The following WDR90 variants were observed in gnomAD, a reference collection of about 807,000 sequenced individuals.
WDR90 encodes the protein WD repeat domain 90.
Under a neutral mutation model 195.2 loss-of-function variants are expected in WDR90, and 238 were observed. The ratio of observed to expected loss-of-function variants is 1.22; its 90% CI spans 1.10 to 1.36. The LOEUF (loss-of-function observed/expected upper bound fraction) is 1.36. Ranked by LOEUF, WDR90 falls within the 40% of genes most tolerant of loss-of-function variation. WDR90 has a pLI of 0.00. For missense variants in WDR90, 2,734 were observed against 2,439.5 expected (o/e 1.12, Z -2.54); for synonymous variants, 1,265 against 1,052.4 (o/e 1.20, Z -3.91).
rs747850717 is a variant in WDR90 at position 656,865 on chromosome 16, AAC to A, written c.2341_2342del (p.Thr781ValfsTer14). 3 of 1,612,478 alleles carry A rather than the reference AAC, an allele frequency of 1.9e-6. No homozygotes were observed. The South Asian group carries it at 3.3e-5, about 18-fold the overall frequency. ...CTGGAGGCCGCTGAGGTCCTGGTGG[AAC>A]ACACGTAAGTGCCCAGCTGGCCACC... On this transcript the variant is annotated frameshift_variant, in exon 19 of 41. Coordinates refer to ENST00000293879, the MANE Select transcript of WDR90 (RefSeq NM_145294.5). LOFTEE classifies it high-confidence loss of function.
chr16:659,398 G>A (rs950474550), intron 26 of WDR90, 22 bp downstream of exon 26: 1 of 1,584,914 alleles, frequency 6.3e-7, no homozygotes, highest in Non-Finnish European at 8.6e-7. Flanking sequence ...GGGTCCTGGA[G>A]GAGTGGGGGG....
chr16:651,595 A>T, intron 7 of WDR90, 49 bp from the exon 8 acceptor site: 5 of 1,580,488 alleles, frequency 3.2e-6, no homozygotes, highest in Non-Finnish European at 4.3e-6. Flanking sequence ...CTCACCAGGC[A>T]TCTGCACAGC....
chr16:661,670 G>A lies in WDR90; in HGVS notation c.3747G>A (p.Pro1249=), dbSNP rs201582113. The A allele has an allele frequency of 7.4e-6, 12 of 1,611,962 alleles. No homozygotes were observed. The highest frequency in any genetic ancestry group is 6.6e-5 in the South Asian group (6 of 91,032). ...TYDLVSSTRL[P]EPVHGVAFNP... is the part of the protein sequence containing the mutation. ...ACCTCGTGTCCTCCACCCGCCTCCC[G>A]GAGCCGGTGCATGGTGTGGCCTTCA... The change falls in exon 31 of 41, where the codon CCG becomes CCA. Residue 1249 remains proline (P), a synonymous_variant. Transcript: ENST00000293879.
rs775885084 is a variant in WDR90, at chr16:650,915, G to C, written c.560-80G>C. 288 of 1,543,446 alleles carry C rather than the reference G, an allele frequency of 1.9e-4. No homozygotes were observed. The Middle Eastern group carries it at 7.3e-3, about 39-fold the overall frequency. On this transcript the variant is annotated intron_variant, in intron 5 of 40. Transcript: ENST00000293879. ...GTGGGGCGGTGGCTGGGCTGGTGGC[G>C]TGGCAGTGCCTTGGCGGGTGCCCTG...
intron 17 of WDR90, 159 bp downstream of exon 17, chr16:656,048 T>C (rs771417387): frequency 1.0e-6 from 1 of 960,278 alleles, no homozygotes; most frequent in African/African-American, 1.7e-5. Flanking sequence ...CTGGGGCGGC[T>C]GATGCCAGGG....
At position 659,031 on chromosome 16, in the gene WDR90, T is replaced by A. The variant is rs1318350992; in HGVS notation, c.3011+20T>A. 2 of 1,613,200 alleles carry A rather than the reference T, an allele frequency of 1.2e-6. No individual in the cohort carries two copies. The highest frequency in any genetic ancestry group is 4.5e-5 in the East Asian group (2 of 44,876). On this transcript the variant is annotated intron_variant, in intron 24 of 40. Coordinates refer to ENST00000293879, the MANE Select transcript of WDR90 (RefSeq NM_145294.5). Reference sequence around the variant, plus strand: ...TGAGAGGCAAGTGCCTACTCTCAGCTGTGTCTGCCTAGGCCCCCCAGGCCC... The same window carrying A: ...TGAGAGGCAAGTGCCTACTCTCAGCAGTGTCTGCCTAGGCCCCCCAGGCCC...
chr16:666,950 C>G lies in WDR90; in HGVS notation c.5050C>G (p.Leu1684Val). ...GCCCTTTTTTGCCATGTCCCTGAGCCTGTCCCCCGGGACCCACCTCCTGGC... is the reference window on the plus strand; with the variant it reads ...GCCCTTTTTTGCCATGTCCCTGAGCGTGTCCCCCGGGACCCACCTCCTGGC... ...PLPFFAMSLS[L>V]SPGTHLLAVG... Residue 1684 changes from leucine to valine, a missense_variant, in exon 40 of 41, where the codon CTG (leucine) becomes GTG (valine). Coordinates refer to ENST00000293879, the MANE Select transcript of WDR90 (RefSeq NM_145294.5). 6.2e-7 allele frequency: 1 copy of G among 1,612,132 alleles called. No homozygotes were observed.
In WDR90 at chr16:655,428, C is replaced by A; in HGVS notation, c.1678C>A (p.Gln560Lys). Residue 560 changes from glutamine to lysine, a missense_variant, in exon 15 of 41, where the codon CAG becomes AAG. Gln to Lys is a moderately conservative substitution (Grantham distance 53). Coordinates refer to ENST00000293879, the MANE Select transcript of WDR90 (RefSeq NM_145294.5). ...GCAGTTCACCGACCTGGCCTTCAAG[C>A]AGGCCCGGGACGGCTGCCCGGAGCC... ...ALQFTDLAFKQARDGCPEPSA... is the reference protein window; with the variant it reads ...ALQFTDLAFKKARDGCPEPSA... 1.3e-6 allele frequency: 2 copies of A among 1,577,748 alleles called. No homozygotes were observed.
chr16:665,748 G>T lies in WDR90; in HGVS notation c.4381G>T (p.Val1461Leu), dbSNP rs1378014387. The change falls in exon 35 of 41, where the codon GTG becomes TTG. Residue 1461 changes from valine to leucine, a missense_variant. Physicochemically the swap from Val to Leu is conservative, Grantham distance 32. Coordinates refer to ENST00000293879, the MANE Select transcript of WDR90 (RefSeq NM_145294.5). ...ATCSEDGSVR[V>L]WALASMELVI... is the part of the protein sequence containing the mutation. The stretch of plus-strand genomic sequence containing the variant: ...ATGCAGTGAGGATGGGAGTGTGCGG[G>T]TGTGGGCCTTGGCCAGCATGGAGCT... The T allele has an allele frequency of 1.2e-6, 2 of 1,609,490 alleles. No individual in the cohort carries two copies. Among genetic ancestry groups the T allele is most frequent in the Admixed American group, 3.3e-5 (2 of 59,882 alleles).
rs1311560753 is a variant in WDR90 at position 666,280 on chromosome 16, G to A, written c.4670G>A (p.Gly1557Glu). Residue 1557 changes from glycine to glutamate, a missense_variant, in exon 37 of 41, where the codon GGG becomes GAG. Coordinates refer to ENST00000293879, the MANE Select transcript of WDR90 (RefSeq NM_145294.5). ...GTGGCTGTGAGCCACCCCTGCACAG[G>A]GACAACCTTCCGTGTGCTGAGTGAC... Reference protein sequence around the residue: ...GLVAVSHPCTGTTFRVLSDHQ... With the variant: ...GLVAVSHPCTETTFRVLSDHQ... 1 of 1,612,734 alleles carries A rather than the reference G, an allele frequency of 6.2e-7. No individual in the cohort carries two copies. The highest frequency in any genetic ancestry group is 1.6e-4 in the Middle Eastern group (1 of 6,062).
Position 661,107 on chromosome 16 carries a change from G to A in WDR90, c.3448G>A (p.Ala1150Thr), listed in dbSNP as rs763644521. ...LVVVEDLHSG[A>T]QQHWSGHSAE... Reference sequence around the variant, plus strand: ...GGTGGTGGAGGACCTGCACTCTGGCGCCCAGCAGCACTGGTCCGGCCACTC... The same window carrying A: ...GGTGGTGGAGGACCTGCACTCTGGCACCCAGCAGCACTGGTCCGGCCACTC... Residue 1150 changes from alanine to threonine, a missense_variant, in exon 29 of 41, where the codon GCC becomes ACC. Coordinates refer to ENST00000293879, the MANE Select transcript of WDR90 (RefSeq NM_145294.5). 10 of 1,552,100 alleles carry A rather than the reference G, an allele frequency of 6.4e-6. No homozygotes were observed. Among genetic ancestry groups the A allele is most frequent in the East Asian group, 2.5e-5 (1 of 39,802 alleles).
chr16:657,700 G>T, intron 20 of WDR90, 62 bp from the exon 21 acceptor site: 1 of 1,471,800 alleles, frequency 6.8e-7, no homozygotes, highest in Non-Finnish European at 9.0e-7. Flanking sequence ...GCCTCCTCGG[G>T]CCCTGGCCAC....
In WDR90 at chr16:657,906, C is replaced by G; in HGVS notation, c.2604+14C>G. 6.5e-7 allele frequency: 1 copy of G among 1,547,198 alleles called. No homozygotes were observed. The highest frequency in any genetic ancestry group is 8.7e-7 in the Non-Finnish European group (1 of 1,144,100). ...TCCCTTGATGAGGTGAGTCCGCAGC[C>G]CTCCTGGGTCCAGGGAGACTGGGCC... On this transcript the variant is annotated intron_variant, in intron 21 of 40. Coordinates refer to ENST00000293879, the MANE Select transcript of WDR90 (RefSeq NM_145294.5).
In WDR90 at chr16:662,716, G is replaced by C. The variant is rs769681275; in HGVS notation, c.4183G>C (p.Ala1395Pro). The change falls in exon 34 of 41, where the codon GCT becomes CCT. Residue 1395 changes from alanine to proline, a missense_variant. Coordinates refer to ENST00000293879, the MANE Select transcript of WDR90 (RefSeq NM_145294.5). ...GGAACACGAGCTGGTGCTGGACGGGGCTGTGGTGAGTGCCAGCTTCGATGA... is the reference window on the plus strand; with the variant it reads ...GGAACACGAGCTGGTGCTGGACGGGCCTGTGGTGAGTGCCAGCTTCGATGA... ...FMEHELVLDG[A>P]VVSASFDDSV... 12 of 1,583,536 alleles carry C rather than the reference G, an allele frequency of 7.6e-6. No homozygotes were observed. The highest frequency in any genetic ancestry group is 1.0e-5 in the Non-Finnish European group (12 of 1,161,172).
chr16:662,209 C>A lies in WDR90; in HGVS notation c.4034-11C>A. ...GCAGCCGTGGCCCCTTATGGCTCCT[C>A]CTGCCCCTAGGGCTGTTGCTGTTCT... On this transcript the variant is annotated splice_polypyrimidine_tract_variant and intron_variant, in intron 32 of 40. Transcript: ENST00000293879. The A allele has an allele frequency of 1.9e-6, 3 of 1,542,636 alleles. No homozygotes were observed. Among genetic ancestry groups the A allele is most frequent in the Non-Finnish European group, 1.7e-6 (2 of 1,143,456 alleles).
intron 23 of WDR90, 31 bp from the exon 24 acceptor site, chr16:658,865 G>T: frequency 6.2e-7 from 1 of 1,607,782 alleles, no homozygotes. Flanking sequence ...GCCCCGCCTC[G>T]GGGTCCTGCA....
In WDR90 at chr16:660,721, GC is replaced by G; in HGVS notation, c.3391+9del. On this transcript the variant is annotated splice_region_variant and intron_variant, in intron 28 of 40. Transcript: ENST00000293879. ...GTCTGGAGGCCGGACACAGGTGGGG[GC>G]CAAGAGCCTACCCCCACCCCCAGCC... 1 of 1,549,708 alleles carries G rather than the reference GC, an allele frequency of 6.5e-7. No homozygotes were observed. The highest frequency in any genetic ancestry group is 8.7e-7 in the Non-Finnish European group (1 of 1,144,138).
At position 656,499 on chromosome 16, in the gene WDR90, C is replaced by T. The variant is rs747846328; in HGVS notation, c.2164C>T (p.Arg722Cys). 162 of 1,578,408 alleles carry T rather than the reference C, an allele frequency of 1.0e-4. No individual in the cohort carries two copies. Among genetic ancestry groups the T allele is most frequent in the Non-Finnish European group, 1.3e-4 (146 of 1,165,064 alleles). Residue 722 changes from arginine (R) to cysteine (C), a missense_variant, in exon 18 of 41, where the codon CGT becomes TGT. Transcript: ENST00000293879. The part of the protein sequence containing the change: ...RGQLATVSQD[R>C]TVRIWDLATL... The stretch of plus-strand genomic sequence containing the variant: ...ACAGCTGGCCACCGTGTCCCAGGAC[C>T]GTACCGTCCGCATCTGGGACCTGGC...
rs1596475319 is a variant in WDR90 at position 667,450 on chromosome 16, T to C, written c.5108T>C (p.Val1703Ala). The C allele has an allele frequency of 1.2e-6, 2 of 1,603,026 alleles. No individual in the cohort carries two copies. The highest frequency in any genetic ancestry group is 1.3e-5 in the African/African-American group (1 of 74,792). The stretch of plus-strand genomic sequence containing the variant: ...CCCACAGAGTGCATGCTGAGGCTGG[T>C]AGACTGTGCCATGGGGACTGCCCAA... ...VGFAECMLRL[V>A]DCAMGTAQDF... Residue 1703 changes from valine (V) to alanine (A), a missense_variant, in exon 41 of 41, where the codon GTA becomes GCA. Val to Ala is a moderately conservative substitution (Grantham distance 64). Coordinates refer to ENST00000293879, the MANE Select transcript of WDR90 (RefSeq NM_145294.5).
Sources: allele counts gnomAD v4.1 joint callset, GRCh38; gene constraint gnomAD v4.1.1; transcripts MANE v1.5; gene names NCBI Gene and HGNC (gene_info 2026-07-23, HGNC 2026-07-21).